Variants in SMYD5 observed in about 807,000 individuals in gnomAD.
The protein encoded by SMYD5 is SMYD family member 5.
A neutral mutation model predicts 57.4 loss-of-function variants in SMYD5; 35 were observed. The ratio of observed to expected loss-of-function variants is 0.61; its 90% CI spans 0.47 to 0.81. SMYD5 has a LOEUF of 0.81. Ranked by LOEUF, SMYD5 falls within the 30% of genes least tolerant of loss-of-function variation. SMYD5 has a pLI of 0.00. For synonymous variants in SMYD5, 198 were observed against 189.7 expected (o/e 1.04, Z -0.36); for missense variants, 471 against 527.9 (o/e 0.89, Z 1.06).
chr2:73,217,112 C>A (rs1210651691), intron 1 of SMYD5, among the ~76,000 whole-genome samples: 1 of 152,040 alleles, frequency 6.6e-6, no homozygotes, highest in East Asian at 1.9e-4. Flanking sequence ...CCACCATGTC[C>A]AGCTAATTTT....
chr2:73,222,831 G>C lies in SMYD5; in HGVS notation c.705+14G>C. The C allele has an allele frequency of 6.2e-7, 1 of 1,613,160 alleles. No homozygotes were observed. The highest frequency in any genetic ancestry group is 8.5e-7 in the Non-Finnish European group (1 of 1,179,194). On this transcript the variant is annotated intron_variant, in intron 7 of 12. Transcript: ENST00000389501. Reference sequence around the variant, plus strand: ...GCAGTCAGCCAGGTGAGTGAGGAGAGGGTGGGACCAGTGGCCTCCTTGTTA... The same window carrying C: ...GCAGTCAGCCAGGTGAGTGAGGAGACGGTGGGACCAGTGGCCTCCTTGTTA...
In SMYD5 at chr2:73,224,875, G is replaced by A. The variant is rs1686468779; in HGVS notation, c.950G>A (p.Ser317Asn). 1 of 1,613,344 alleles carries A rather than the reference G, an allele frequency of 6.2e-7. No individual in the cohort carries two copies. The highest frequency in any genetic ancestry group is 8.5e-7 in the Non-Finnish European group (1 of 1,179,500). ...GCCTCTTATGATCCAGGCAACCACAGTTGTGTGCCCAATGCAGAGACCTCC... is the reference window on the plus strand; with the variant it reads ...GCCTCTTATGATCCAGGCAACCACAATTGTGTGCCCAATGCAGAGACCTCC... ...LFVLQSCCNH[S>N]CVPNAETSFP... The change falls in exon 11 of 13, where the codon AGT becomes AAT. Residue 317 changes from serine to asparagine, a missense_variant. Coordinates refer to ENST00000389501, the MANE Select transcript of SMYD5 (RefSeq NM_006062.3).
At chr2:73,225,153 C>G (rs1686476038) in intron 11 of SMYD5, 193 bp downstream of exon 11, 2 of 559,938 alleles carry the variant, frequency 3.6e-6, no homozygotes, top group Admixed American at 6.7e-5. Context: ...AAATATGACT[C>G]CAGAAAGCCT....
In SMYD5 at chr2:73,221,189, T is replaced by G. The variant is rs768337002; in HGVS notation, c.492T>G (p.Thr164=). The G allele has an allele frequency of 6.2e-6, 10 of 1,613,966 alleles. No homozygotes were observed. In the East Asian group the frequency reaches 2.0e-4, roughly 32 times the overall value. Reference sequence around the variant, plus strand: ...GGAGTATTCACTACCCACCTGAGACTGCAAGCATCATGTTGATGGCTAGGA... The same window carrying G: ...GGAGTATTCACTACCCACCTGAGACGGCAAGCATCATGTTGATGGCTAGGA... The part of the protein sequence containing the change: ...AWRSIHYPPE[T]ASIMLMARMV... Residue 164 remains threonine, a synonymous_variant, in exon 5 of 13, where the codon ACT becomes ACG. Transcript: ENST00000389501.
Position 73,226,046 on chromosome 2 carries a change from C to G in SMYD5, c.*100C>G. On this transcript the variant is annotated 3_prime_UTR_variant, in exon 13 of 13. Transcript: ENST00000389501. Reference sequence around the variant, plus strand: ...GGAGGGAACTTCCCACTCCCATTGCCTGCTTTCCCCATTCCAGCCCTCTCT... The same window carrying G: ...GGAGGGAACTTCCCACTCCCATTGCGTGCTTTCCCCATTCCAGCCCTCTCT... 6.9e-7 allele frequency: 1 copy of G among 1,439,578 alleles called. No homozygotes were observed. The highest frequency in any genetic ancestry group is 9.3e-7 in the Non-Finnish European group (1 of 1,080,908). The allele number at this position is 1,439,578 out of a possible 1,614,324, so 89.2% of individuals were successfully genotyped here.
chr2:73,216,439 CCAGCA>C (rs1686294242), intron 1 of SMYD5, among the ~76,000 whole-genome samples: 1 of 152,064 alleles, frequency 6.6e-6, no homozygotes, highest in Non-Finnish European at 1.5e-5. Flanking sequence ...ACCTGTAATC[CCAGCA>C]CTTTGGGAGG....
intron 1 of SMYD5, among the ~76,000 whole-genome samples, chr2:73,218,640 C>T (rs945453805): frequency 3.3e-5 from 5 of 152,222 alleles, no homozygotes; most frequent in African/African-American, 1.2e-4. Context: ...AGGCCTTCTG[C>T]TCTGAATGGG....
At chr2:73,223,680 A>G in intron 9 of SMYD5, 148 bp downstream of exon 9, 1 of 685,022 alleles carries the variant, frequency 1.5e-6, no homozygotes, top group Non-Finnish European at 2.6e-6. Flanking sequence ...ATCTGTCCAC[A>G]GGGCACACAG....
At chr2:73,224,697 A>G (rs1235273488) in intron 10 of SMYD5, among the ~76,000 whole-genome samples, 169 bp from the exon 11 acceptor site, 2 of 152,214 alleles carry the variant, frequency 1.3e-5, no homozygotes, top group East Asian at 3.8e-4. Flanking sequence ...GTGCTGTGCT[A>G]TATGGTCTTC....
In SMYD5 at chr2:73,224,851, C is replaced by T. The variant is rs375577126; in HGVS notation, c.941-15C>T. The T allele has an allele frequency of 4.8e-5, 76 of 1,588,360 alleles. No individual in the cohort carries two copies. The highest frequency in any genetic ancestry group is 6.4e-5 in the Non-Finnish European group (74 of 1,158,754). The stretch of plus-strand genomic sequence containing the variant: ...TTTAGTCAATAATCCTCATTACCTG[C>T]CTCTTATGATCCAGGCAACCACAGT... On this transcript the variant is annotated splice_polypyrimidine_tract_variant and intron_variant, in intron 10 of 12. Coordinates refer to ENST00000389501, the MANE Select transcript of SMYD5 (RefSeq NM_006062.3).
intron 3 of SMYD5, among the ~76,000 whole-genome samples, chr2:73,220,394 TG>T: frequency 6.6e-6 from 1 of 152,090 alleles, no homozygotes; most frequent in East Asian, 1.9e-4. Context: ...ATGGGCTTGG[TG>T]GGAGCTGGAA....
rs10177179 is a variant in SMYD5 at position 73,221,545 on chromosome 2, G to A, written c.538-281G>A. On this transcript the variant is annotated intron_variant, in intron 5 of 12. Coordinates refer to ENST00000389501, the MANE Select transcript of SMYD5 (RefSeq NM_006062.3). ...TTCATGCATTTGATTTATAAGCACC[G>A]CTTTTTCAGGATTATGTCTTACATA... is the stretch of plus-strand genomic sequence containing the variant. Among the ~76,000 whole-genome samples, 1,440 of 151,062 alleles carry A rather than the reference G, an allele frequency of 9.5e-3. 16 individuals are homozygous for A. Among genetic ancestry groups the A allele is most frequent in the African/African-American group, 0.031 (1,288 of 41,028 alleles).
At chr2:73,223,170 A>T in intron 8 of SMYD5, 64 bp downstream of exon 8, 1 of 1,347,960 alleles carries the variant, frequency 7.4e-7, no homozygotes, top group Non-Finnish European at 1.1e-6. Flanking sequence ...AGGTAGCCAC[A>T]GTTCCTTTCA....
Position 73,225,994 on chromosome 2 carries a change from G to A in SMYD5, c.*48G>A. 6.4e-7 allele frequency: 1 copy of A among 1,551,808 alleles called. No individual in the cohort carries two copies. Among genetic ancestry groups the A allele is most frequent in the Non-Finnish European group, 8.7e-7 (1 of 1,150,276 alleles). ...CCTGCCCTAGACCCTGCCAGAAAAG[G>A]GGGCTCTTCCCCCAGAGAAGTGGCT... On this transcript the variant is annotated 3_prime_UTR_variant, in exon 13 of 13. Coordinates refer to ENST00000389501, the MANE Select transcript of SMYD5 (RefSeq NM_006062.3).
chr2:73,221,765 G>A lies in SMYD5; in HGVS notation c.538-61G>A, dbSNP rs561013339. ...CCTGTGTAGTGGTATTTCCCAAGTGGGCGGGAGTGCCAGTGAGAAGGTGGG... is the reference window on the plus strand; with the variant it reads ...CCTGTGTAGTGGTATTTCCCAAGTGAGCGGGAGTGCCAGTGAGAAGGTGGG... On this transcript the variant is annotated intron_variant, in intron 5 of 12. Transcript: ENST00000389501. 3.5e-6 allele frequency: 4 copies of A among 1,153,572 alleles called. No homozygotes were observed. The South Asian group carries it at 3.7e-5, about 11-fold the overall frequency. The allele number at this position is 1,153,572 out of a possible 1,614,324, so 71.5% of individuals were successfully genotyped here.
chr2:73,214,295 C>G lies in SMYD5; in HGVS notation c.29C>G (p.Ser10Cys). ...GCGGCCTCCATGTGCGACGTGTTCT[C>G]CTTCTGCGTGGGCGTGGCGGGCCGC... MAASMCDVF[S>C]FCVGVAGRAR... The change falls in exon 1 of 13, where the codon TCC becomes TGC. Residue 10 changes from serine (S) to cysteine (C), a missense_variant. Coordinates refer to ENST00000389501, the MANE Select transcript of SMYD5 (RefSeq NM_006062.3). 1 of 1,613,924 alleles carries G rather than the reference C, an allele frequency of 6.2e-7. No individual in the cohort carries two copies. Among genetic ancestry groups the G allele is most frequent in the Non-Finnish European group, 8.5e-7 (1 of 1,179,920 alleles).
chr2:73,217,970 C>A (rs1686319555), intron 1 of SMYD5, among the ~76,000 whole-genome samples: 1 of 152,178 alleles, frequency 6.6e-6, no homozygotes, highest in African/African-American at 2.4e-5. Context: ...ACCAGTGCTT[C>A]TCAAACTAAC....
rs1242715460 is a variant in SMYD5, at chr2:73,221,312, A to G, written c.537+78A>G. On this transcript the variant is annotated intron_variant, in intron 5 of 12. Coordinates refer to ENST00000389501, the MANE Select transcript of SMYD5 (RefSeq NM_006062.3). ...TGGTCTCAGTCTTTTCCTCACCTCAAAGCCCTAGCTTGGATGCAGAGTTCT... is the reference window on the plus strand; with the variant it reads ...TGGTCTCAGTCTTTTCCTCACCTCAGAGCCCTAGCTTGGATGCAGAGTTCT... 23 of 1,176,958 alleles carry G rather than the reference A, an allele frequency of 2.0e-5. No individual in the cohort carries two copies. In the East Asian group the frequency reaches 4.2e-4, roughly 22 times the overall value. 72.9% of individuals were successfully genotyped at this position (1,176,958 alleles called of 1,614,324 possible).
chr2:73,218,767 G>A (rs1686333271), intron 1 of SMYD5, 94 bp from the exon 2 acceptor site: 2 of 836,184 alleles, frequency 2.4e-6, no homozygotes, highest in East Asian at 2.5e-5. Context: ...TAAGAGTGAG[G>A]CATGTGGGAG....
Sources: gnomAD v4.1 joint callset for allele counts (sites outside exome capture counted in the v4.1 genomes callset) on GRCh38, gnomAD v4.1.1 for gene constraint, MANE v1.5 for transcripts, NCBI Gene and HGNC (gene_info 2026-07-23, HGNC 2026-07-21) for gene names.